The following MEGF11 variants were observed in gnomAD, a reference collection of about 807,000 sequenced individuals.
MEGF11 encodes multiple EGF like domains 11, also known as multiple epidermal growth factor-like domains protein 11.
MEGF11 carries 126 observed loss-of-function variants against 146.6 expected under a neutral mutation model. That is an observed-to-expected ratio of 0.86 (90% confidence interval 0.74 to 1.00). MEGF11 has a LOEUF of 1.00. MEGF11 is among the 50% of genes least tolerant of loss of function. The pLI, the probability that MEGF11 is intolerant of heterozygous loss-of-function variation, is 0.00. For synonymous variants in MEGF11, 532 were observed against 583.4 expected (o/e 0.91, Z 1.27); for missense variants, 1,509 against 1,521.2 (o/e 0.99, Z 0.13).
At position 66,083,779 on chromosome 15, in the gene MEGF11, T is replaced by C. The variant is rs559808989; in HGVS notation, c.394+10623A>G. On this transcript the variant is annotated intron_variant, in intron 5 of 25. Coordinates refer to ENST00000395614, the MANE Select transcript of MEGF11 (RefSeq NM_001385028.1). ...AAAAATTTAAAAAATTAGCCCAGCA[T>C]GGCGACACATGCCTGTAGTCCCAGC... 1.0e-3 allele frequency among the ~76,000 whole-genome samples: 154 copies of C among 152,274 alleles called. 2 individuals are homozygous for C. Among genetic ancestry groups the C allele is most frequent in the African/African-American group, 3.5e-3 (147 of 41,546 alleles).
chr15:66,220,606 C>G (rs2091711574), intron 1 of MEGF11, among the ~76,000 whole-genome samples: 1 of 147,334 alleles, frequency 6.8e-6, no homozygotes, highest in South Asian at 2.2e-4. Flanking sequence ...GGCGTGATCT[C>G]GGCTCACTGC....
chr15:66,163,286 C>A (rs1413315934), intron 1 of MEGF11, among the ~76,000 whole-genome samples: 3 of 152,168 alleles, frequency 2.0e-5, no homozygotes, highest in Admixed American at 6.5e-5. Context: ...CTGAAGCTAG[C>A]AGAGAAGTTG....
At chr15:65,909,969 A>C (rs542489910) in intron 21 of MEGF11, 163 bp from the exon 22 acceptor site, 1 of 708,288 alleles carries the variant, frequency 1.4e-6, no homozygotes, top group East Asian at 2.7e-5. Context: ...ATGACAGGCC[A>C]CCATGGTGTG....
chr15:65,940,570 T>C (rs1341187524), intron 10 of MEGF11, among the ~76,000 whole-genome samples: 2 of 152,228 alleles, frequency 1.3e-5, no homozygotes, highest in African/African-American at 4.8e-5. Context: ...CTGGACCTAA[T>C]TGGTGCGTCA....
intron 5 of MEGF11, among the ~76,000 whole-genome samples, chr15:66,071,068 G>A (rs1283629582): frequency 6.6e-6 from 1 of 151,860 alleles, no homozygotes; most frequent in South Asian, 2.1e-4. Context: ...TCTATTCCAC[G>A]CCTGTTCTGT....
At chr15:65,912,253 GA>G in intron 20 of MEGF11, 53 bp from the exon 21 acceptor site, 1 of 1,074,184 alleles carries the variant, frequency 9.3e-7, no homozygotes, top group South Asian at 4.8e-5. Flanking sequence ...CCTGGCATGA[GA>G]TACCCCCAGT....
At chr15:66,100,613 A>T (rs1283745927) in intron 4 of MEGF11, among the ~76,000 whole-genome samples, 1 of 152,152 alleles carries the variant, frequency 6.6e-6, no homozygotes, top group Non-Finnish European at 1.5e-5. Context: ...CTAAATCATT[A>T]ACACTTGTAA....
intron 13 of MEGF11, among the ~76,000 whole-genome samples, chr15:65,924,019 C>T (rs982628857): frequency 3.3e-5 from 5 of 152,134 alleles, no homozygotes; most frequent in African/African-American, 1.2e-4. Flanking sequence ...GCTGAAAAAT[C>T]ATGTCTGCCT....
In MEGF11 at chr15:65,996,665, T is replaced by C. The variant is rs536999450; in HGVS notation, c.395-14177A>G. ...CACACCCAGCTAATTTTTGTATTTT[T>C]CGTAGAGACAGGGTTTCATCATGCT... On this transcript the variant is annotated intron_variant, in intron 5 of 25. Coordinates refer to ENST00000395614, the MANE Select transcript of MEGF11 (RefSeq NM_001385028.1). Among the ~76,000 whole-genome samples the C allele has an allele frequency of 2.0e-5, 3 of 152,188 alleles. No individual in the cohort carries two copies. In the South Asian group the frequency reaches 6.2e-4, roughly 32 times the overall value.
chr15:66,235,749 G>A (rs1403004871), intron 1 of MEGF11, among the ~76,000 whole-genome samples: 2 of 152,056 alleles, frequency 1.3e-5, no homozygotes, highest in East Asian at 3.9e-4. Context: ...AAGACTGCCC[G>A]GGCTCCCACA....
chr15:65,982,161 T>G lies in MEGF11; in HGVS notation c.641+81A>C. The G allele has an allele frequency of 1.4e-5, 7 of 502,030 alleles. No individual in the cohort carries two copies. The highest frequency in any genetic ancestry group is 4.5e-5 in the African/African-American group (1 of 22,272). The allele number at this position is 502,030 out of a possible 1,614,324, so 31.1% of individuals were successfully genotyped here. A position where few individuals can be genotyped will look rare whatever the true frequency, so the allele number is the denominator to read the frequency against. On this transcript the variant is annotated intron_variant, in intron 6 of 25. Transcript: ENST00000395614. The surrounding 1 kb of genome is among the most constrained non-coding windows in gnomAD (Gnocchi z 5.6). Reference sequence around the variant, plus strand: ...CAGGCCCCGCCCCAGCCCCTCCACCTCCTCTACCCTCCCCACCCAGGCACC... The same window carrying G: ...CAGGCCCCGCCCCAGCCCCTCCACCGCCTCTACCCTCCCCACCCAGGCACC...
chr15:66,194,523 G>T (rs553867366), intron 1 of MEGF11, among the ~76,000 whole-genome samples: 5 of 152,100 alleles, frequency 3.3e-5, no homozygotes, highest in African/African-American at 1.2e-4. Flanking sequence ...CAGGAGAATC[G>T]CTTGAACCCA....
At chr15:66,067,549 T>C (rs1267779452) in intron 5 of MEGF11, among the ~76,000 whole-genome samples, 1 of 152,202 alleles carries the variant, frequency 6.6e-6, no homozygotes, top group Non-Finnish European at 1.5e-5. Flanking sequence ...CCCGGCAGCA[T>C]CCTACCTGTG....
chr15:66,064,121 G>A (rs544420684), intron 5 of MEGF11, among the ~76,000 whole-genome samples: 1 of 152,258 alleles, frequency 6.6e-6, no homozygotes, highest in East Asian at 1.9e-4. Context: ...TGTAATCCCA[G>A]CACTTGGAGG....
At chr15:65,994,029 C>T (rs1261513513) in intron 5 of MEGF11, among the ~76,000 whole-genome samples, 6 of 152,186 alleles carry the variant, frequency 3.9e-5, no homozygotes, top group Non-Finnish European at 8.8e-5. Context: ...GTGACAGGGG[C>T]CCCGGACCTC....
chr15:66,153,967 G>A (rs572681612), intron 1 of MEGF11, among the ~76,000 whole-genome samples: 1 of 152,328 alleles, frequency 6.6e-6, no homozygotes, highest in South Asian at 2.1e-4. Context: ...TCCAATCTGG[G>A]CCCTGGTGAC....
intron 13 of MEGF11, among the ~76,000 whole-genome samples, chr15:65,923,707 C>T (rs1319628235): frequency 6.6e-6 from 1 of 152,164 alleles, no homozygotes; most frequent in Non-Finnish European, 1.5e-5. Flanking sequence ...TTTAATGACC[C>T]TCAGTTTGAC....
At chr15:66,153,882 A>AT (rs1007227164) in intron 1 of MEGF11, among the ~76,000 whole-genome samples, 1 of 152,112 alleles carries the variant, frequency 6.6e-6, no homozygotes, top group Non-Finnish European at 1.5e-5. Context: ...GGGCTCGTGC[A>AT]TATTAAGCAC....
chr15:66,193,057 A>C (rs1022290415), intron 1 of MEGF11, among the ~76,000 whole-genome samples: 2 of 152,232 alleles, frequency 1.3e-5, no homozygotes, highest in African/African-American at 4.8e-5. Flanking sequence ...ATAAATCCTT[A>C]AATCCATTTC....
Sources: allele counts gnomAD v4.1 joint callset (sites outside exome capture counted in the v4.1 genomes callset), GRCh38; gene constraint gnomAD v4.1.1; non-coding constraint Gnocchi (gnomAD v3.1); transcripts MANE v1.5; gene names NCBI Gene and HGNC (gene_info 2026-07-23, HGNC 2026-07-21).